The following CDC73 variants were observed in gnomAD, a reference collection of about 807,000 sequenced individuals.
CDC73 encodes the protein parafibromin.
In CDC73, 21 loss-of-function variants were observed where a neutral mutation model predicts 83.7. The ratio of observed to expected loss-of-function variants is 0.25; its 90% CI spans 0.18 to 0.36. The LOEUF is 0.36. CDC73 is among the 10% of genes least tolerant of loss of function. The pLI, the probability that CDC73 is intolerant of heterozygous loss-of-function variation, is 1.00. For missense variants in CDC73, 342 were observed against 653.3 expected (o/e 0.52, Z 5.19); for synonymous variants, 224 against 212.9 (o/e 1.05, Z -0.45).
intron 10 of CDC73, among the ~76,000 whole-genome samples, chr1:193,195,898 G>A (rs1018753669): frequency 1.2e-4 from 18 of 152,052 alleles, no homozygotes; most frequent in Admixed American, 1.2e-3. Flanking sequence ...ATATAGTCTG[G>A]ATATTAATTT....
intron 15 of CDC73, among the ~76,000 whole-genome samples, chr1:193,245,642 A>G (rs950358080): frequency 6.6e-6 from 1 of 152,112 alleles, no homozygotes; most frequent in African/African-American, 2.4e-5. Context: ...TTTCATTTGG[A>G]TAAATGCCCA....
intron 5 of CDC73, chr1:193,136,725 C>T: frequency 6.3e-6 from 1 of 159,362 alleles, no homozygotes; most frequent in Non-Finnish European, 1.5e-5. Context: ...AGATTGTGAC[C>T]TGTGGTAAAC....
At chr1:193,207,881 G>T (rs1313494790) in intron 11 of CDC73, among the ~76,000 whole-genome samples, 1 of 152,132 alleles carries the variant, frequency 6.6e-6, no homozygotes, top group Middle Eastern at 3.2e-3. Flanking sequence ...GTATTATTAG[G>T]GAAGGAGTAC....
At chr1:193,173,204 A>C (rs1031789825) in intron 10 of CDC73, among the ~76,000 whole-genome samples, 2 of 152,178 alleles carry the variant, frequency 1.3e-5, no homozygotes, top group African/African-American at 4.8e-5. Context: ...AGCTGTTAAA[A>C]GGGTATGCCT....
chr1:193,143,930 T>G (rs1195494447), intron 7 of CDC73, among the ~76,000 whole-genome samples: 1 of 151,908 alleles, frequency 6.6e-6, no homozygotes, highest in African/African-American at 2.4e-5. Context: ...GCCAACATGG[T>G]GAAACCCTGT....
intron 7 of CDC73, among the ~76,000 whole-genome samples, chr1:193,144,688 T>C (rs948340537): frequency 6.6e-6 from 1 of 152,214 alleles, no homozygotes; most frequent in Non-Finnish European, 1.5e-5. Flanking sequence ...GAAATTGGAA[T>C]GTAGAAGCAC....
Position 193,152,541 on chromosome 1 carries a change from C to T in CDC73, c.972+97C>T. ...CTTTAGTCTCTCATATTTTTTATTTCAAACATTTTTCTTTATTGATCACTT... is the reference window on the plus strand; with the variant it reads ...CTTTAGTCTCTCATATTTTTTATTTTAAACATTTTTCTTTATTGATCACTT... On this transcript the variant is annotated intron_variant, in intron 10 of 16. Coordinates refer to ENST00000367435, the MANE Select transcript of CDC73 (RefSeq NM_024529.5). 16 of 827,064 alleles carry T rather than the reference C, an allele frequency of 1.9e-5. 1 individual carries two copies. The South Asian group carries it at 2.1e-4, about 11-fold the overall frequency. The allele number at this position is 827,064 out of a possible 1,614,324, so 51.2% of individuals were successfully genotyped here. A position where few individuals can be genotyped will look rare whatever the true frequency, so the allele number is the denominator to read the frequency against.
intron 7 of CDC73, 47 bp downstream of exon 7, chr1:193,142,113 GA>G: frequency 2.0e-6 from 3 of 1,464,546 alleles, no homozygotes; most frequent in Non-Finnish European, 2.9e-6. Flanking sequence ...GAGAGAGAGA[GA>G]GAGTGCGTTT....
intron 11 of CDC73, among the ~76,000 whole-genome samples, chr1:193,208,700 TA>T (rs1471182493): frequency 6.6e-6 from 1 of 152,120 alleles, no homozygotes; most frequent in Non-Finnish European, 1.5e-5. Context: ...TAATATTGCT[TA>T]AAAAGCCCTA....
intron 10 of CDC73, among the ~76,000 whole-genome samples, chr1:193,174,902 AAATG>A (rs1312535176): frequency 1.3e-5 from 2 of 152,246 alleles, no homozygotes; most frequent in Non-Finnish European, 2.9e-5. Flanking sequence ...CCTTTAAATG[AAATG>A]AAAATGCTTT....
At chr1:193,165,175 C>T (rs543578679) in intron 10 of CDC73, among the ~76,000 whole-genome samples, 3 of 152,292 alleles carry the variant, frequency 2.0e-5, no homozygotes, top group Admixed American at 2.0e-4. Context: ...TGCCACTTTC[C>T]TCAGCATGGA....
chr1:193,129,076 C>T (rs1159773037), intron 2 of CDC73, among the ~76,000 whole-genome samples: 1 of 150,614 alleles, frequency 6.6e-6, no homozygotes. Flanking sequence ...CGGCTTACTG[C>T]AACCTCTGCC....
chr1:193,245,101 A>G (rs1400510143), intron 15 of CDC73, among the ~76,000 whole-genome samples: 1 of 152,254 alleles, frequency 6.6e-6, no homozygotes, highest in Non-Finnish European at 1.5e-5. Context: ...GGTTATCATA[A>G]TTAGCATAGC....
chr1:193,205,207 C>CCG (rs1553287551), intron 11 of CDC73, among the ~76,000 whole-genome samples: 1 of 105,796 alleles, frequency 9.5e-6, no homozygotes. Context: ...CCCCCCCCCC[C>CCG]CTTTTTTTTT....
At chr1:193,157,244 A>G (rs1254823460) in intron 10 of CDC73, among the ~76,000 whole-genome samples, 2 of 152,128 alleles carry the variant, frequency 1.3e-5, no homozygotes, top group Non-Finnish European at 2.9e-5. Flanking sequence ...TGCTTGTAGG[A>G]AAGTTTGTTT....
intron 9 of CDC73, among the ~76,000 whole-genome samples, chr1:193,151,148 T>C (rs571018512): frequency 6.6e-6 from 1 of 152,346 alleles, no homozygotes; most frequent in Non-Finnish European, 1.5e-5. Flanking sequence ...GGGATCTTCA[T>C]TCATCATGAC....
intron 6 of CDC73, chr1:193,140,997 C>T (rs1278220271): frequency 2.6e-5 from 4 of 152,140 alleles, no homozygotes; most frequent in South Asian, 2.1e-4. Flanking sequence ...TACCTTCATA[C>T]CTAATCTGAA....
At chr1:193,159,585 C>T (rs1572165822) in intron 10 of CDC73, among the ~76,000 whole-genome samples, 1 of 152,236 alleles carries the variant, frequency 6.6e-6, no homozygotes, top group African/African-American at 2.4e-5. Context: ...TGGTTGCGAA[C>T]TCCTGACCTC....
chr1:193,143,955 C>CA (rs1207574130), intron 7 of CDC73, among the ~76,000 whole-genome samples: 1 of 151,712 alleles, frequency 6.6e-6, no homozygotes, highest in African/African-American at 2.4e-5. Flanking sequence ...ACTAAAAATA[C>CA]AAAAATTAGT....
Sources: allele counts gnomAD v4.1 joint callset (sites outside exome capture counted in the v4.1 genomes callset), GRCh38; gene constraint gnomAD v4.1.1; transcripts MANE v1.5; gene names NCBI Gene and HGNC (gene_info 2026-07-23, HGNC 2026-07-21).